The following SPIRE1 variants were observed in gnomAD, a reference collection of about 807,000 sequenced individuals.
SPIRE1 encodes the protein spire type actin nucleation factor 1.
In SPIRE1, 40 loss-of-function variants were observed where a neutral mutation model predicts 94.1. The ratio of observed to expected loss-of-function variants is 0.43; its 90% CI spans 0.33 to 0.55. SPIRE1 has a LOEUF of 0.55. Among genes scored for constraint, SPIRE1 ranks in the 20% least tolerant of loss-of-function variants. The probability of loss-of-function intolerance (pLI) is 0.06; values close to 1 mark genes in which losing one functional copy is unlikely to be tolerated. For missense variants in SPIRE1, 838 were observed against 975.2 expected, an observed-to-expected ratio of 0.86 and a Z score of 1.87; for synonymous variants, 376 against 371.7, an observed-to-expected ratio of 1.01 and a Z score of -0.13.
In SPIRE1 at chr18:12,559,394, C is replaced by T. The variant is rs990139630; in HGVS notation, c.373-12490G>A. On this transcript the variant is annotated intron_variant, in intron 2 of 16. Coordinates refer to ENST00000409402, the MANE Select transcript of SPIRE1 (RefSeq NM_001128626.2). The surrounding 1 kb of genome is among the most constrained non-coding windows in gnomAD (Gnocchi z 4.7). The stretch of plus-strand genomic sequence containing the variant: ...CCGGCAGCTCTGAGTGCTGGCCGGG[C>T]GAGACTGCACCCACCCGGAACTCGT... Among the ~76,000 whole-genome samples the T allele has an allele frequency of 3.3e-5, 5 of 152,120 alleles. No homozygotes were observed. The highest frequency in any genetic ancestry group is 5.9e-5 in the Non-Finnish European group (4 of 68,000).
chr18:12,504,970 G>A (rs983355908), intron 6 of SPIRE1, among the ~76,000 whole-genome samples: 1 of 152,178 alleles, frequency 6.6e-6, no homozygotes, highest in African/African-American at 2.4e-5. Context: ...CTAACAAGCA[G>A]AACCCTGCAG....
At chr18:12,582,926 A>C (rs1424685426) in intron 2 of SPIRE1, among the ~76,000 whole-genome samples, 3 of 152,200 alleles carry the variant, frequency 2.0e-5, no homozygotes, top group Non-Finnish European at 4.4e-5. Flanking sequence ...AACTTAGTAC[A>C]AAGATCAGAC....
chr18:12,597,098 T>A (rs572638477), intron 2 of SPIRE1, among the ~76,000 whole-genome samples: 1 of 151,784 alleles, frequency 6.6e-6, no homozygotes, highest in South Asian at 2.1e-4. Context: ...ACCCTTTCAT[T>A]ATCTTACCTC....
chr18:12,661,382 A>T, upstream of SPIRE1: 1 of 983,614 alleles, frequency 1.0e-6, no homozygotes, highest in Non-Finnish European at 1.2e-6. Context: ...ACTGCTGACC[A>T]CTCAAAGGCT....
intron 1 of SPIRE1, among the ~76,000 whole-genome samples, chr18:12,642,817 T>C (rs6505760): frequency 0.46 from 69,248 of 151,862 alleles, 16,361 homozygotes; most frequent in Middle Eastern, 0.54. Context: ...GTAATGCCTG[T>C]GGGGCTTAAA....
At chr18:12,661,298 G>A (rs778247405), upstream of SPIRE1, 56 of 856,008 alleles carry the variant, frequency 6.5e-5, no homozygotes, top group Non-Finnish European at 7.6e-5. Flanking sequence ...ACAAGAGTGA[G>A]CCTTCATCTC....
At chr18:12,643,268 C>G (rs1309101919) in intron 1 of SPIRE1, among the ~76,000 whole-genome samples, 1 of 152,180 alleles carries the variant, frequency 6.6e-6, no homozygotes, top group Non-Finnish European at 1.5e-5. Context: ...TCCCTAGTAA[C>G]AGCAATTCAA....
Position 12,464,937 on chromosome 18 carries a change from T to C in SPIRE1, c.1426A>G (p.Thr476Ala), listed in dbSNP as rs941501727. 1 of 1,614,076 alleles carries C rather than the reference T, an allele frequency of 6.2e-7. No individual in the cohort carries two copies. The highest frequency in any genetic ancestry group is 8.5e-7 in the Non-Finnish European group (1 of 1,179,992). ...ESEEETLHKSTSSSSVSPSFP... is the reference protein window; with the variant it reads ...ESEEETLHKSASSSSVSPSFP... ...GAGGGAGACACGCTGCTGCTGCTGGTCGACTTGTGCAGCGTTTCTTCCTGA... is the reference window on the plus strand; with the variant it reads ...GAGGGAGACACGCTGCTGCTGCTGGCCGACTTGTGCAGCGTTTCTTCCTGA... The change falls in exon 11 of 17, where the codon ACC becomes GCC. Residue 476 changes from threonine (T) to alanine (A), a missense_variant. Thr to Ala is a moderately conservative substitution (Grantham distance 58, BLOSUM62 0). Coordinates refer to ENST00000409402, the MANE Select transcript of SPIRE1 (RefSeq NM_001128626.2).
chr18:12,502,828 TGG>T (rs1478686201), intron 6 of SPIRE1, among the ~76,000 whole-genome samples: 1 of 151,778 alleles, frequency 6.6e-6, no homozygotes, highest in African/African-American at 2.4e-5. Context: ...CCCATGTGGG[TGG>T]GGTGCGGTGG....
chr18:12,494,180 G>C (rs546287878), intron 7 of SPIRE1, among the ~76,000 whole-genome samples: 5 of 152,182 alleles, frequency 3.3e-5, no homozygotes, highest in African/African-American at 1.2e-4. Flanking sequence ...TCCAAAGTGT[G>C]GGGATTACAG....
At chr18:12,657,408 G>C in intron 1 of SPIRE1, 122 bp downstream of exon 1, 1 of 799,364 alleles carries the variant, frequency 1.3e-6, no homozygotes, top group Non-Finnish European at 1.7e-6. Flanking sequence ...ATCCTCCCGG[G>C]GGTCTCCCGT....
chr18:12,496,301 A>G (rs1479170845), intron 6 of SPIRE1, among the ~76,000 whole-genome samples, 199 bp from the exon 7 acceptor site: 1 of 152,208 alleles, frequency 6.6e-6, no homozygotes, highest in African/African-American at 2.4e-5. Flanking sequence ...ATCCAAGTTT[A>G]CTTTAATTCT....
chr18:12,543,185 T>C (rs1011304110), intron 3 of SPIRE1, among the ~76,000 whole-genome samples: 14 of 152,232 alleles, frequency 9.2e-5, no homozygotes, highest in African/African-American at 3.4e-4. Context: ...CTACCAGACA[T>C]GGACTGCCTT....
chr18:12,507,445 T>A (rs1275432263), intron 5 of SPIRE1, among the ~76,000 whole-genome samples: 2 of 152,146 alleles, frequency 1.3e-5, no homozygotes, highest in African/African-American at 4.8e-5. Context: ...ACACCTGTAA[T>A]CCCAGCACTT....
chr18:12,610,619 G>A (rs1445647821), intron 2 of SPIRE1, among the ~76,000 whole-genome samples: 2 of 152,060 alleles, frequency 1.3e-5, no homozygotes, highest in Non-Finnish European at 2.9e-5. Context: ...AATGTGGCTA[G>A]AGTAAAACAC....
intron 1 of SPIRE1, among the ~76,000 whole-genome samples, chr18:12,655,873 G>C (rs1193673966): frequency 6.6e-6 from 1 of 152,192 alleles, no homozygotes; most frequent in East Asian, 1.9e-4. Flanking sequence ...TTTTCCTCTG[G>C]AAATAGCTAA....
chr18:12,509,839 T>A (rs1168840073), intron 5 of SPIRE1, among the ~76,000 whole-genome samples: 1 of 152,112 alleles, frequency 6.6e-6, no homozygotes, highest in African/African-American at 2.4e-5. Flanking sequence ...TCCCAGCACT[T>A]TGGGAGGCCA....
chr18:12,615,675 A>G (rs939357174), intron 2 of SPIRE1, among the ~76,000 whole-genome samples: 20 of 152,030 alleles, frequency 1.3e-4, no homozygotes, highest in African/African-American at 4.8e-4. Context: ...AATGATCTGT[A>G]TACTTTCTCA....
intron 2 of SPIRE1, among the ~76,000 whole-genome samples, chr18:12,584,489 A>G (rs1232247865): frequency 6.6e-6 from 1 of 152,146 alleles, no homozygotes; most frequent in Non-Finnish European, 1.5e-5. Flanking sequence ...CCAAAGAAGT[A>G]TTTCAAAAAA....
Sources: gnomAD v4.1 joint callset for allele counts (sites outside exome capture counted in the v4.1 genomes callset) on GRCh38, gnomAD v4.1.1 for gene constraint, Gnocchi (gnomAD v3.1) non-coding constraint, MANE v1.5 for transcripts, NCBI Gene and HGNC (gene_info 2026-07-23, HGNC 2026-07-21) for gene names.